Variants in DLG2 observed in about 807,000 individuals in gnomAD.
The protein encoded by DLG2 is disks large homolog 2.
DLG2 carries 45 observed loss-of-function variants against 132.5 expected under a neutral mutation model. The ratio of observed to expected loss-of-function variants is 0.34; its 90% CI spans 0.27 to 0.44. The LOEUF is 0.44. Ranked by LOEUF, DLG2 falls within the 20% of genes least tolerant of loss-of-function variation. The pLI is 1.00. For missense variants in DLG2, 1,045 were observed against 1,196.9 expected (o/e 0.87, Z 1.87); for synonymous variants, 424 against 419.6 (o/e 1.01, Z -0.13).
chr11:84,153,350 G>A (rs570912290), intron 9 of DLG2, among the ~76,000 whole-genome samples: 16 of 151,976 alleles, frequency 1.1e-4, no homozygotes, highest in East Asian at 1.9e-4. Flanking sequence ...ATCTTGCAGC[G>A]GTTTTCTGTA....
At chr11:85,112,147 A>G (rs942565438) in intron 5 of DLG2, among the ~76,000 whole-genome samples, 1 of 152,092 alleles carries the variant, frequency 6.6e-6, no homozygotes, top group Non-Finnish European at 1.5e-5. Context: ...TTTCCAGACT[A>G]TAAGCTAGTG....
chr11:84,619,699 A>C (rs1436260443), intron 6 of DLG2, among the ~76,000 whole-genome samples: 1 of 151,708 alleles, frequency 6.6e-6, no homozygotes, highest in Admixed American at 6.6e-5. Flanking sequence ...CAACAACAAA[A>C]ATGAAGAGAA....
chr11:85,191,122 G>A (rs2080497669), intron 4 of DLG2, among the ~76,000 whole-genome samples: 1 of 150,538 alleles, frequency 6.6e-6, no homozygotes, highest in Non-Finnish European at 1.5e-5. Flanking sequence ...TCTGGGTGAT[G>A]AAATCATTTG....
chr11:84,435,351 G>A (rs1016390445), intron 7 of DLG2, among the ~76,000 whole-genome samples: 3 of 152,014 alleles, frequency 2.0e-5, no homozygotes, highest in African/African-American at 7.2e-5. Context: ...CATTCACCAG[G>A]CATCGACTGA....
At chr11:83,821,930 G>A (rs2050928247) in intron 17 of DLG2, among the ~76,000 whole-genome samples, 3 of 152,092 alleles carry the variant, frequency 2.0e-5, no homozygotes, top group African/African-American at 7.2e-5. Context: ...CAAACTCAAA[G>A]GAGATAACTC....
chr11:84,753,526 G>T (rs1035705618), intron 6 of DLG2, among the ~76,000 whole-genome samples: 1 of 152,090 alleles, frequency 6.6e-6, no homozygotes, highest in African/African-American at 2.4e-5. Flanking sequence ...TATGTTTTTG[G>T]CCTGGGAAGA....
chr11:83,911,108 T>C (rs1176907526), intron 15 of DLG2, among the ~76,000 whole-genome samples: 1 of 151,984 alleles, frequency 6.6e-6, no homozygotes, highest in African/African-American at 2.4e-5. Flanking sequence ...GTGATGTAAA[T>C]AATAAATACT....
chr11:83,537,486 C>T (rs910639174), intron 20 of DLG2, among the ~76,000 whole-genome samples: 2 of 152,198 alleles, frequency 1.3e-5, no homozygotes, highest in African/African-American at 4.8e-5. Flanking sequence ...AGTGACCAGT[C>T]ACTAGGGAAC....
intron 4 of DLG2, among the ~76,000 whole-genome samples, chr11:85,192,555 A>T (rs2080680304): frequency 6.6e-6 from 1 of 152,200 alleles, no homozygotes; most frequent in Admixed American, 6.5e-5. Context: ...TACAAACTGG[A>T]GGGGAATTAA....
At chr11:84,986,985 G>T (rs898711692) in intron 6 of DLG2, among the ~76,000 whole-genome samples, 4 of 152,134 alleles carry the variant, frequency 2.6e-5, no homozygotes, top group African/African-American at 9.7e-5. Flanking sequence ...GCTGTTTGCT[G>T]ATGATATGAT....
intron 11 of DLG2, among the ~76,000 whole-genome samples, chr11:84,050,968 T>C (rs1292412124): frequency 6.6e-6 from 1 of 151,938 alleles, no homozygotes; most frequent in East Asian, 1.9e-4. Flanking sequence ...TCCAGCTTTG[T>C]TCTTTTGGCT....
intron 8 of DLG2, among the ~76,000 whole-genome samples, chr11:84,214,375 A>G (rs910616402): frequency 2.7e-5 from 4 of 150,474 alleles, no homozygotes; most frequent in Non-Finnish European, 4.4e-5. Flanking sequence ...AAACATACAT[A>G]TAAATATGTT....
chr11:85,573,510 T>C (rs991629148), intron 3 of DLG2, among the ~76,000 whole-genome samples: 1 of 152,024 alleles, frequency 6.6e-6, no homozygotes, highest in Non-Finnish European at 1.5e-5. Flanking sequence ...CAGAGTCCAG[T>C]AGTGTAGTGG....
intron 7 of DLG2, among the ~76,000 whole-genome samples, chr11:84,404,091 A>G (rs973370816): frequency 5.9e-5 from 9 of 152,070 alleles, no homozygotes; most frequent in Admixed American, 1.3e-4. Context: ...CGTGTTTATA[A>G]GCCTTATTGA....
At chr11:84,634,121 C>T (rs1427708155) in intron 6 of DLG2, among the ~76,000 whole-genome samples, 1 of 152,154 alleles carries the variant, frequency 6.6e-6, no homozygotes, top group Non-Finnish European at 1.5e-5. Context: ...AAGAGTATGT[C>T]AGGCGATTTG....
intron 7 of DLG2, among the ~76,000 whole-genome samples, chr11:84,337,170 C>A (rs10898225): frequency 6.6e-6 from 1 of 152,026 alleles, no homozygotes; most frequent in African/African-American, 2.4e-5. Context: ...TTATGGGCTA[C>A]GGGTAGATGC....
intron 7 of DLG2, among the ~76,000 whole-genome samples, chr11:84,423,562 G>A (rs958147627): frequency 6.6e-6 from 1 of 152,044 alleles, no homozygotes; most frequent in African/African-American, 2.4e-5. Context: ...TGTTGCAATT[G>A]CTCCTTTATT....
At chr11:85,486,957 A>C (rs917426001) in intron 3 of DLG2, among the ~76,000 whole-genome samples, 1 of 151,730 alleles carries the variant, frequency 6.6e-6, no homozygotes, top group African/African-American at 2.4e-5. Flanking sequence ...TCCTAGTCCC[A>C]TGCATAACTT....
intron 8 of DLG2, among the ~76,000 whole-genome samples, chr11:84,190,407 GAACCAGAAAGCAAGTGAAAACACGCA>G (rs1330820874): frequency 6.6e-6 from 1 of 152,108 alleles, no homozygotes; most frequent in Non-Finnish European, 1.5e-5. Context: ...GTTGGATTTG[GAACCAGAAAGCAAGTGAAAACACGCA>G]TTACTGGGTC....
Sources: gnomAD v4.1 joint callset for allele counts (sites outside exome capture counted in the v4.1 genomes callset) on GRCh38, gnomAD v4.1.1 for gene constraint, MANE v1.5 for transcripts, NCBI Gene and HGNC (gene_info 2026-07-23, HGNC 2026-07-21) for gene names.